The following EPC1 variants were observed in gnomAD, a reference collection of about 807,000 sequenced individuals.
EPC1 encodes the protein enhancer of polycomb homolog 1.
A neutral mutation model predicts 98.4 loss-of-function variants in EPC1; 12 were observed. That is an observed-to-expected ratio of 0.12 (90% CI 0.08 to 0.20). The LOEUF (loss-of-function observed/expected upper bound fraction) is 0.20, where lower values mean the gene tolerates loss of function less well. EPC1 is among the 10% of genes least tolerant of loss of function. The pLI is 1.00. For synonymous variants in EPC1, 357 were observed against 363.9 expected, an observed-to-expected ratio of 0.98 and a Z score of 0.21; for missense variants, 729 against 990.5, an observed-to-expected ratio of 0.74 and a Z score of 3.54.
chr10:32,268,943 C>G lies in EPC1; in HGVS notation c.*120G>C. On this transcript the variant is annotated 3_prime_UTR_variant, in exon 14 of 14. Transcript: ENST00000319778. ...AAGCATGAGAGATGAGCATTGCTGTCAAGTCCCCACAGCTGCCACAGAAAC... is the reference window on the plus strand; with the variant it reads ...AAGCATGAGAGATGAGCATTGCTGTGAAGTCCCCACAGCTGCCACAGAAAC... The G allele has an allele frequency of 1.3e-6, 1 of 784,832 alleles. No homozygotes were observed. The highest frequency in any genetic ancestry group is 1.7e-5 in the South Asian group (1 of 57,754). 48.6% of individuals were successfully genotyped at this position (784,832 alleles called of 1,614,324 possible).
chr10:32,340,995 G>A (rs1024042515), intron 1 of EPC1, among the ~76,000 whole-genome samples: 1 of 152,104 alleles, frequency 6.6e-6, no homozygotes, highest in African/African-American at 2.4e-5. Flanking sequence ...ACATACTCTA[G>A]TTGTCTCTGA....
At chr10:32,281,130 GT>G (rs1836391385) in intron 10 of EPC1, among the ~76,000 whole-genome samples, 3 of 152,296 alleles carry the variant, frequency 2.0e-5, no homozygotes, top group African/African-American at 7.2e-5. Flanking sequence ...TGCCTCCTGG[GT>G]TCAAGTGGTT....
chr10:32,359,465 T>C (rs115188706), intron 1 of EPC1, among the ~76,000 whole-genome samples: 1,714 of 152,324 alleles, frequency 0.011, 37 homozygotes, highest in African/African-American at 0.04. Flanking sequence ...TAAAAGATTT[T>C]GACACTAATT....
At chr10:32,328,826 CCT>C (rs1837462517) in intron 1 of EPC1, among the ~76,000 whole-genome samples, 2 of 152,186 alleles carry the variant, frequency 1.3e-5, no homozygotes, top group African/African-American at 4.8e-5. Flanking sequence ...TTATCCTGTC[CCT>C]GTTATTTCAA....
chr10:32,320,193 T>G (rs1036065932), intron 1 of EPC1, among the ~76,000 whole-genome samples: 12 of 143,818 alleles, frequency 8.3e-5, no homozygotes, highest in Non-Finnish European at 1.5e-4. Flanking sequence ...TAATGGTTGT[T>G]TTTTTTTTTT....
intron 1 of EPC1, among the ~76,000 whole-genome samples, chr10:32,369,526 G>A (rs1469004580): frequency 1.3e-5 from 2 of 152,120 alleles, no homozygotes; most frequent in Non-Finnish European, 2.9e-5. Context: ...AAGCTAAGAA[G>A]GCAGACCAAA....
At chr10:32,283,379 T>C (rs915829558) in intron 10 of EPC1, 2 of 152,286 alleles carry the variant, frequency 1.3e-5, no homozygotes, top group African/African-American at 2.4e-5. Flanking sequence ...TGCAGTGGCA[T>C]GATCTTGGCT....
intron 1 of EPC1, among the ~76,000 whole-genome samples, chr10:32,325,783 G>T (rs2132937955): frequency 2.0e-5 from 1 of 51,118 alleles, no homozygotes. Context: ...CCGGTTTTTT[G>T]GTGTTTTTTT....
chr10:32,279,179 C>T (rs1564521071), intron 10 of EPC1, among the ~76,000 whole-genome samples: 1 of 151,958 alleles, frequency 6.6e-6, no homozygotes, highest in Non-Finnish European at 1.5e-5. Flanking sequence ...GAAACCCCGT[C>T]TCTACTAAAA....
At chr10:32,361,197 G>A (rs1400404061) in intron 1 of EPC1, among the ~76,000 whole-genome samples, 1 of 152,200 alleles carries the variant, frequency 6.6e-6, no homozygotes, top group Non-Finnish European at 1.5e-5. Context: ...TCTGGCTCTG[G>A]AGTCAAACAT....
At chr10:32,327,754 T>C (rs1453233941) in intron 1 of EPC1, among the ~76,000 whole-genome samples, 4 of 152,066 alleles carry the variant, frequency 2.6e-5, no homozygotes, top group Non-Finnish European at 5.9e-5. Flanking sequence ...CTGTAGGGAG[T>C]TGTAACACAA....
At chr10:32,289,197 TAAA>T (rs1836859155) in intron 6 of EPC1, among the ~76,000 whole-genome samples, 1 of 152,136 alleles carries the variant, frequency 6.6e-6, no homozygotes, top group Admixed American at 6.5e-5. Flanking sequence ...AAAATTTAAA[TAAA>T]AACTTACATG....
At chr10:32,269,584 A>G (rs981073012) in intron 13 of EPC1, 1 of 153,752 alleles carries the variant, frequency 6.5e-6, no homozygotes, top group Non-Finnish European at 1.4e-5. Context: ...TAGACTTTTG[A>G]GTGTCCTTAG....
chr10:32,343,490 C>A (rs1028544908), intron 1 of EPC1, among the ~76,000 whole-genome samples: 1 of 152,228 alleles, frequency 6.6e-6, no homozygotes, highest in African/African-American at 2.4e-5. Context: ...GGATTACAGG[C>A]GTGAGCCACC....
intron 1 of EPC1, among the ~76,000 whole-genome samples, chr10:32,323,662 T>G (rs1837076582): frequency 6.6e-6 from 1 of 152,196 alleles, no homozygotes; most frequent in Non-Finnish European, 1.5e-5. Flanking sequence ...CAAATTTCCT[T>G]ATTAGTAAAA....
At chr10:32,333,323 C>T (rs891797399) in intron 1 of EPC1, among the ~76,000 whole-genome samples, 3 of 152,260 alleles carry the variant, frequency 2.0e-5, no homozygotes, top group Middle Eastern at 3.4e-3. Context: ...CAGAGTGAGA[C>T]TTCGTCTCAA....
At chr10:32,353,592 G>T (rs1229346502) in intron 1 of EPC1, among the ~76,000 whole-genome samples, 3 of 152,152 alleles carry the variant, frequency 2.0e-5, no homozygotes, top group Non-Finnish European at 4.4e-5. Context: ...AAGAGCTAAG[G>T]CAAGACAGTT....
chr10:32,375,096 G>A (rs948006972), intron 1 of EPC1, among the ~76,000 whole-genome samples: 1 of 152,058 alleles, frequency 6.6e-6, no homozygotes, highest in Admixed American at 6.5e-5. Context: ...TGCTGAGGAG[G>A]ACAGTGGTGT....
Position 32,362,641 on chromosome 10 carries a change from C to G in EPC1, c.3+15850G>C, listed in dbSNP as rs1247027984. Among the ~76,000 whole-genome samples, 3 of 152,178 alleles carry G rather than the reference C, an allele frequency of 2.0e-5. No individual in the cohort carries two copies. In the East Asian group the frequency reaches 5.8e-4, roughly 29 times the overall value. On this transcript the variant is annotated intron_variant, in intron 1 of 13. Transcript: ENST00000375110. Reference sequence around the variant, plus strand: ...CTCTTTTCTTTATAAATTACGCAGTCTCAGGTATTTACGGCAATGCAAGAA... The same window carrying G: ...CTCTTTTCTTTATAAATTACGCAGTGTCAGGTATTTACGGCAATGCAAGAA...
Sources: allele counts gnomAD v4.1 joint callset (sites outside exome capture counted in the v4.1 genomes callset), GRCh38; gene constraint gnomAD v4.1.1; transcripts MANE v1.5; gene names NCBI Gene and HGNC (gene_info 2026-07-23, HGNC 2026-07-21).